The following CDKAL1 variants were observed in gnomAD, a reference collection of about 807,000 sequenced individuals.
CDKAL1 encodes the protein CDKAL1 threonylcarbamoyladenosine tRNA methylthiotransferase, also known as threonylcarbamoyladenosine tRNA methylthiotransferase.
In CDKAL1, 32 loss-of-function variants were observed where a neutral mutation model predicts 68.2. That is an observed-to-expected ratio of 0.47 (90% CI 0.35 to 0.63). The LOEUF (loss-of-function observed/expected upper bound fraction) is 0.63, where lower values mean the gene tolerates loss of function less well. Ranked by LOEUF, CDKAL1 falls within the 30% of genes least tolerant of loss-of-function variation. CDKAL1 has a pLI of 0.00. For synonymous variants in CDKAL1, 234 were observed against 244.3 expected (o/e 0.96, Z 0.39); for missense variants, 606 against 696.7 (o/e 0.87, Z 1.47).
At chr6:21,109,545 G>C (rs1774019566) in intron 13 of CDKAL1, among the ~76,000 whole-genome samples, 1 of 152,230 alleles carries the variant, frequency 6.6e-6, no homozygotes, top group Admixed American at 6.5e-5. Context: ...TATGCTTCAT[G>C]TGACCATGGT....
At chr6:20,603,059 C>T (rs887827384) in intron 4 of CDKAL1, among the ~76,000 whole-genome samples, 1 of 152,124 alleles carries the variant, frequency 6.6e-6, no homozygotes, top group Non-Finnish European at 1.5e-5. Flanking sequence ...ATACTGTGAG[C>T]AAAGGTTTAT....
chr6:21,136,598 C>T (rs1404596990), intron 13 of CDKAL1, among the ~76,000 whole-genome samples: 3 of 152,122 alleles, frequency 2.0e-5, no homozygotes, highest in African/African-American at 7.2e-5. Context: ...GTCTGGGGGA[C>T]CATGACTCAT....
At chr6:21,047,575 C>T (rs1380449358) in intron 11 of CDKAL1, among the ~76,000 whole-genome samples, 2 of 152,144 alleles carry the variant, frequency 1.3e-5, no homozygotes, top group Admixed American at 6.5e-5. Flanking sequence ...AGTCAGTGGG[C>T]ACTTTTACTG....
chr6:21,212,120 A>T (rs1779175943), intron 15 of CDKAL1, among the ~76,000 whole-genome samples: 1 of 152,100 alleles, frequency 6.6e-6, no homozygotes, highest in Non-Finnish European at 1.5e-5. Context: ...TATGAGGGAA[A>T]GCCCATGAAA....
At chr6:20,936,117 C>T (rs1339861915) in intron 9 of CDKAL1, among the ~76,000 whole-genome samples, 2 of 152,198 alleles carry the variant, frequency 1.3e-5, no homozygotes, top group East Asian at 3.9e-4. Context: ...TTTCTAATGC[C>T]TGCTGACAAT....
chr6:21,056,603 G>A (rs548727184), intron 11 of CDKAL1, among the ~76,000 whole-genome samples: 32 of 152,250 alleles, frequency 2.1e-4, no homozygotes, highest in African/African-American at 5.1e-4. Flanking sequence ...TCTTGTGCCC[G>A]TTTTCAAGGG....
At chr6:20,645,957 T>C (rs1768434274) in intron 4 of CDKAL1, among the ~76,000 whole-genome samples, 1 of 151,722 alleles carries the variant, frequency 6.6e-6, no homozygotes, top group Non-Finnish European at 1.5e-5. Context: ...ATAACATGTA[T>C]GCAGCTGTCA....
At chr6:20,621,737 G>A (rs1352024264) in intron 4 of CDKAL1, among the ~76,000 whole-genome samples, 5 of 149,156 alleles carry the variant, frequency 3.4e-5, no homozygotes, top group African/African-American at 4.9e-5. Flanking sequence ...AGTCACTTCC[G>A]TGTCAGTCGC....
At chr6:20,663,278 C>G (rs564675462) in intron 5 of CDKAL1, among the ~76,000 whole-genome samples, 1 of 151,770 alleles carries the variant, frequency 6.6e-6, no homozygotes. Flanking sequence ...TTGCTCCCAA[C>G]AGAATTGGGA....
In CDKAL1 at chr6:20,609,373, CCTTCTTCTT is replaced by C. The variant is rs200074365; in HGVS notation, c.287-39898_287-39890del. Among the ~76,000 whole-genome samples the C allele has an allele frequency of 3.0e-4, 32 of 107,830 alleles. 1 individual carries two copies. In the South Asian group the frequency reaches 5.0e-3, roughly 17 times the overall value. The allele number at this position is 107,830 out of a possible 152,430, so 70.7% of individuals were successfully genotyped here. On this transcript the variant is annotated intron_variant, in intron 4 of 15. Coordinates refer to ENST00000274695, the MANE Select transcript of CDKAL1 (RefSeq NM_017774.3). ...CCTTCTCCTCCCTTCTTCTCCTTCT[CCTTCTTCTT>C]CTTCTTCTTCTTCTTCTTCTTTTTT...
intron 13 of CDKAL1, among the ~76,000 whole-genome samples, chr6:21,110,895 C>T (rs928722298): frequency 1.3e-5 from 2 of 152,070 alleles, no homozygotes; most frequent in Non-Finnish European, 2.9e-5. Flanking sequence ...ACTTGAGCCC[C>T]GGATTTCAAG....
chr6:20,919,730 C>CTGCCCAGCACCTTT (rs1338172791), intron 9 of CDKAL1, among the ~76,000 whole-genome samples: 2 of 152,098 alleles, frequency 1.3e-5, no homozygotes, highest in Non-Finnish European at 2.9e-5. Context: ...ATTTTTTTGG[C>CTGCCCAGCACCTTT]TGCCCAGCAC....
chr6:20,572,679 A>T (rs1764752623), intron 4 of CDKAL1, among the ~76,000 whole-genome samples: 5 of 152,138 alleles, frequency 3.3e-5, no homozygotes, highest in Admixed American at 3.3e-4. Flanking sequence ...GTGGAGGCTA[A>T]AGAAGTTAAT....
At chr6:21,038,719 G>A (rs1407883954) in intron 11 of CDKAL1, among the ~76,000 whole-genome samples, 1 of 152,044 alleles carries the variant, frequency 6.6e-6, no homozygotes, top group Non-Finnish European at 1.5e-5. Flanking sequence ...ATTAGTTAAT[G>A]TATTTTATGT....
intron 13 of CDKAL1, among the ~76,000 whole-genome samples, chr6:21,161,010 T>A (rs1776902793): frequency 6.6e-6 from 1 of 151,812 alleles, no homozygotes; most frequent in Admixed American, 6.6e-5. Context: ...AAAATAGGGA[T>A]CAATGGTAAT....
intron 9 of CDKAL1, among the ~76,000 whole-genome samples, chr6:20,866,464 CA>C (rs1314049314): frequency 1.3e-5 from 2 of 152,132 alleles, no homozygotes; most frequent in African/African-American, 4.8e-5. Flanking sequence ...GTTTCAGACA[CA>C]AAAACTATTA....
chr6:20,855,442 CAAAAAAAAAAAAAAAAAAAAA>C (rs145448785), intron 9 of CDKAL1, among the ~76,000 whole-genome samples: 2 of 64,598 alleles, frequency 3.1e-5, no homozygotes, highest in Admixed American at 4.9e-4. Context: ...GACTCCGTCT[CAAAAAAAAAAAAAAAAAAAAA>C]AAAAAAAAAG....
chr6:20,701,893 G>A (rs1771378996), intron 5 of CDKAL1, among the ~76,000 whole-genome samples: 1 of 152,282 alleles, frequency 6.6e-6, no homozygotes, highest in East Asian at 1.9e-4. Flanking sequence ...GATTAGAAAA[G>A]GAATGGAGAC....
At position 21,031,668 on chromosome 6, in the gene CDKAL1, C is replaced by T. The variant is rs1041993248; in HGVS notation, c.1055+31296C>T. Reference sequence around the variant, plus strand: ...GTCGGGATTGGGAGTGAGTAGAACTCGATGGAGTTGATTGTTTCCATGATG... The same window carrying T: ...GTCGGGATTGGGAGTGAGTAGAACTTGATGGAGTTGATTGTTTCCATGATG... On this transcript the variant is annotated intron_variant, in intron 11 of 15. Transcript: ENST00000274695. 1.2e-4 allele frequency among the ~76,000 whole-genome samples: 18 copies of T among 152,048 alleles called. 1 individual carries two copies. Among genetic ancestry groups the T allele is most frequent in the African/African-American group, 4.1e-4 (17 of 41,490 alleles).
Sources: gnomAD v4.1 joint callset for allele counts (sites outside exome capture counted in the v4.1 genomes callset) on GRCh38, gnomAD v4.1.1 for gene constraint, MANE v1.5 for transcripts, NCBI Gene and HGNC (gene_info 2026-07-23, HGNC 2026-07-21) for gene names.